PRKAR1B: variants seen among roughly 807,000 people sequenced by gnomAD.
The protein encoded by PRKAR1B is cAMP-dependent protein kinase type I-beta regulatory subunit.
In PRKAR1B, 22 loss-of-function variants were observed where a neutral mutation model predicts 46.5. The observed-to-expected ratio is 0.47, with a 90% confidence interval of 0.34 to 0.68. The LOEUF is 0.68. Among genes scored for constraint, PRKAR1B ranks in the 30% least tolerant of loss-of-function variants. The pLI, the probability that PRKAR1B is intolerant of heterozygous loss-of-function variation, is 0.01. For synonymous variants in PRKAR1B, 259 were observed against 217.7 expected (o/e 1.19, Z -1.67); for missense variants, 445 against 535.6 (o/e 0.83, Z 1.67).
At chr7:592,665 C>G (rs1042495113) in intron 7 of PRKAR1B, among the ~76,000 whole-genome samples, 1 of 152,354 alleles carries the variant, frequency 6.6e-6, no homozygotes, top group Admixed American at 6.5e-5. Context: ...ATTCTACATC[C>G]ATTGCTTCCA....
In PRKAR1B at chr7:635,944, A is replaced by ATCCTCCACCGGCCGCGCCCTCACG. The variant is rs1562578420; in HGVS notation, c.441-28516_441-28493dup. Among the ~76,000 whole-genome samples the ATCCTCCACCGGCCGCGCCCTCACG allele has an allele frequency of 7.3e-5, 8 of 109,310 alleles. No individual in the cohort carries two copies. The East Asian group carries it at 9.1e-4, about 12-fold the overall frequency. 71.7% of individuals were successfully genotyped at this position (109,310 alleles called of 152,430 possible). On this transcript the variant is annotated intron_variant, in intron 4 of 10. Coordinates refer to ENST00000537384, the MANE Select transcript of PRKAR1B (RefSeq NM_001164760.2). ...AAAAGTACCAGCACCGCGCCCACACATCCTCCACCGGCCGCGCCCTCACGT... is the reference window on the plus strand; with the variant it reads ...AAAAGTACCAGCACCGCGCCCACACATCCTCCACCGGCCGCGCCCTCACGTCCTCCACCGGCCGCGCCCTCACGT...
intron 2 of PRKAR1B, among the ~76,000 whole-genome samples, chr7:680,981 C>T (rs1157116909): frequency 6.6e-6 from 1 of 152,114 alleles, no homozygotes; most frequent in African/African-American, 2.4e-5. Flanking sequence ...TTGTAATCCC[C>T]ATCATCCCCA....
At chr7:568,523 T>G (rs1779307953) in intron 9 of PRKAR1B, among the ~76,000 whole-genome samples, 1 of 152,186 alleles carries the variant, frequency 6.6e-6, no homozygotes, top group African/African-American at 2.4e-5. Flanking sequence ...AAGGACCAAG[T>G]GCTCAAGGGC....
intron 8 of PRKAR1B, among the ~76,000 whole-genome samples, chr7:583,481 G>T (rs1455264979): frequency 1.9e-5 from 2 of 105,264 alleles, no homozygotes; most frequent in Admixed American, 9.1e-5. Context: ...TCACACCCAC[G>T]CACACACGTG....
chr7:668,990 A>T (rs925256485), intron 4 of PRKAR1B, among the ~76,000 whole-genome samples: 2 of 152,178 alleles, frequency 1.3e-5, no homozygotes, highest in Admixed American at 6.5e-5. Flanking sequence ...ATCCATCAGC[A>T]TCTGCCCAGG....
At chr7:582,166 G>C (rs1015391319) in intron 8 of PRKAR1B, among the ~76,000 whole-genome samples, 3 of 124,056 alleles carry the variant, frequency 2.4e-5, no homozygotes, top group Non-Finnish European at 3.5e-5. Flanking sequence ...CCTGCCCAGG[G>C]GGGAACCCAT....
At chr7:612,456 G>A (rs370454571) in intron 4 of PRKAR1B, among the ~76,000 whole-genome samples, 2,272 of 148,674 alleles carry the variant, frequency 0.015, 109 homozygotes, top group African/African-American at 0.053. Context: ...GAGTAGATTA[G>A]TGGATGGATG....
At chr7:628,801 C>T (rs948379726) in intron 4 of PRKAR1B, among the ~76,000 whole-genome samples, 1 of 151,892 alleles carries the variant, frequency 6.6e-6, no homozygotes, top group Non-Finnish European at 1.5e-5. Flanking sequence ...TTCCAAGAAA[C>T]CCTCTGAAAT....
At chr7:630,004 G>A (rs1212491985) in intron 4 of PRKAR1B, among the ~76,000 whole-genome samples, 4 of 133,710 alleles carry the variant, frequency 3.0e-5, no homozygotes, top group African/African-American at 1.1e-4. Flanking sequence ...GCGGGGCCAC[G>A]GCCTCCCAGG....
At chr7:605,450 G>A (rs1781968430) in intron 6 of PRKAR1B, among the ~76,000 whole-genome samples, 1 of 152,224 alleles carries the variant, frequency 6.6e-6, no homozygotes, top group South Asian at 2.1e-4. Flanking sequence ...AGAAGAGATG[G>A]GAGCCAGAGG....
Position 701,042 on chromosome 7 carries a change from G to A in PRKAR1B, c.177+10287C>T, listed in dbSNP as rs191688195. Among the ~76,000 whole-genome samples the A allele has an allele frequency of 2.6e-5, 4 of 152,182 alleles. No individual in the cohort carries two copies. In the East Asian group the frequency reaches 7.7e-4, roughly 29 times the overall value. ...ATCTCTAAGTAAAATACAAAAATTA[G>A]CTGGGCATGGTGGTGCGCATCTGCA... On this transcript the variant is annotated intron_variant, in intron 2 of 10. Coordinates refer to ENST00000537384, the MANE Select transcript of PRKAR1B (RefSeq NM_001164760.2).
At chr7:726,770 AG>A in intron 1 of PRKAR1B, 1 of 1,261,738 alleles carries the variant, frequency 7.9e-7, no homozygotes. Flanking sequence ...CACCCGGCTG[AG>A]GGGGCCGAGA....
chr7:614,394 T>C (rs573609919), intron 4 of PRKAR1B, among the ~76,000 whole-genome samples: 15 of 152,322 alleles, frequency 9.8e-5, no homozygotes, highest in South Asian at 2.1e-4. Context: ...TCCCCTCCTC[T>C]GAACTTCACC....
At chr7:634,071 G>A (rs756340882) in intron 4 of PRKAR1B, among the ~76,000 whole-genome samples, 2 of 152,138 alleles carry the variant, frequency 1.3e-5, no homozygotes, top group African/African-American at 2.4e-5. Context: ...CTCCCAGGCT[G>A]CAGTGCAATG....
intron 2 of PRKAR1B, among the ~76,000 whole-genome samples, chr7:703,312 G>A (rs1367274505): frequency 6.6e-6 from 1 of 152,180 alleles, no homozygotes; most frequent in Non-Finnish European, 1.5e-5. Context: ...AAGTTTCAAT[G>A]CTGTTCTTTG....
rs568331382 is a variant in PRKAR1B at position 715,816 on chromosome 7, C to T, written c.-22-4289G>A. ...CTGCAAGCTCCGCCTCCCGGGTTCACGCCATTCTCCTGCCTCAGCCTCCCG... is the reference window on the plus strand; with the variant it reads ...CTGCAAGCTCCGCCTCCCGGGTTCATGCCATTCTCCTGCCTCAGCCTCCCG... On this transcript the variant is annotated intron_variant, in intron 1 of 10. Transcript: ENST00000537384. Among the ~76,000 whole-genome samples, 8 of 151,244 alleles carry T rather than the reference C, an allele frequency of 5.3e-5. 1 individual carries two copies. Among genetic ancestry groups the T allele is most frequent in the East Asian group, 2.0e-4 (1 of 5,070 alleles).
At chr7:573,934 C>T (rs1317065754) in intron 9 of PRKAR1B, among the ~76,000 whole-genome samples, 1 of 152,316 alleles carries the variant, frequency 6.6e-6, no homozygotes, top group South Asian at 2.1e-4. Flanking sequence ...CGCCGGGGTG[C>T]GGTTGGGTCA....
chr7:661,527 C>A (rs1485405644), intron 4 of PRKAR1B, among the ~76,000 whole-genome samples: 1 of 86,182 alleles, frequency 1.2e-5, no homozygotes, highest in Non-Finnish European at 2.4e-5. Flanking sequence ...GGTCCCCACC[C>A]CAACAGATCC....
intron 4 of PRKAR1B, among the ~76,000 whole-genome samples, chr7:631,689 C>T (rs1291090421): frequency 6.6e-6 from 1 of 152,330 alleles, no homozygotes; most frequent in African/African-American, 2.4e-5. Flanking sequence ...CGCGGTGCCT[C>T]ATGCCTGTCA....
Sources: gnomAD v4.1 joint callset for allele counts (sites outside exome capture counted in the v4.1 genomes callset) on GRCh38, gnomAD v4.1.1 for gene constraint, MANE v1.5 for transcripts, NCBI Gene and HGNC (gene_info 2026-07-23, HGNC 2026-07-21) for gene names.